NECTIN1: variants seen among roughly 807,000 people sequenced by gnomAD.
The protein encoded by NECTIN1 is nectin-1.
A neutral mutation model predicts 48.0 loss-of-function variants in NECTIN1; 23 were observed. The observed-to-expected ratio is 0.48, with a 90% confidence interval of 0.34 to 0.68. The LOEUF is 0.68. Among genes scored for constraint, NECTIN1 ranks in the 30% least tolerant of loss-of-function variants. The pLI is 0.01. For missense variants in NECTIN1, 591 were observed against 709.9 expected (o/e 0.83, Z 1.90); for synonymous variants, 270 against 288.9 (o/e 0.93, Z 0.66).
At chr11:119,706,198 C>G (rs948684605) in intron 1 of NECTIN1, among the ~76,000 whole-genome samples, 1 of 152,228 alleles carries the variant, frequency 6.6e-6, no homozygotes, top group Non-Finnish European at 1.5e-5. Context: ...GATCAAATAA[C>G]TTCTCACTCA....
chr11:119,692,247 C>T (rs558823275), intron 1 of NECTIN1, among the ~76,000 whole-genome samples: 1 of 152,036 alleles, frequency 6.6e-6, no homozygotes, highest in Non-Finnish European at 1.5e-5. Flanking sequence ...CGCACACTGC[C>T]TCACGGAGGA....
intron 5 of NECTIN1, among the ~76,000 whole-genome samples, chr11:119,671,567 A>G (rs1864861823): frequency 6.6e-6 from 1 of 152,158 alleles, no homozygotes; most frequent in South Asian, 2.1e-4. Flanking sequence ...GTTTGGGGTC[A>G]AAGAGAATGT....
intron 5 of NECTIN1, among the ~76,000 whole-genome samples, chr11:119,670,117 C>A (rs183759431): frequency 1.3e-5 from 2 of 152,078 alleles, no homozygotes; most frequent in Non-Finnish European, 2.9e-5. Flanking sequence ...TGCCACCACA[C>A]CCGGCTAATT....
At chr11:119,710,657 G>C (rs1033232135) in intron 1 of NECTIN1, among the ~76,000 whole-genome samples, 1 of 152,168 alleles carries the variant, frequency 6.6e-6, no homozygotes, top group African/African-American at 2.4e-5. Flanking sequence ...GGTGAAGTAG[G>C]GTCCTCCAGG....
intron 5 of NECTIN1, chr11:119,674,668 C>T (rs769566339): frequency 3.6e-5 from 58 of 1,614,124 alleles, no homozygotes; most frequent in Middle Eastern, 1.6e-4. Context: ...AGCTCAGTTG[C>T]AGGGCACACA....
intron 1 of NECTIN1, among the ~76,000 whole-genome samples, chr11:119,719,214 G>A (rs1259664577): frequency 6.6e-6 from 1 of 152,216 alleles, no homozygotes; most frequent in African/African-American, 2.4e-5. Flanking sequence ...ATCAGGCATG[G>A]ACAACTACAA....
chr11:119,713,779 C>T, intron 1 of NECTIN1: 1 of 452,502 alleles, frequency 2.2e-6, no homozygotes, highest in Non-Finnish European at 4.4e-6. Context: ...ACCCCCCGCC[C>T]TCTGGAGGGC....
At chr11:119,669,468 C>T (rs1864832108) in intron 5 of NECTIN1, among the ~76,000 whole-genome samples, 1 of 151,778 alleles carries the variant, frequency 6.6e-6, no homozygotes, top group South Asian at 2.1e-4. Context: ...TCCATCACTA[C>T]CACCCTGATC....
At chr11:119,648,196 GA>G in intron 5 of NECTIN1, among the ~76,000 whole-genome samples, 1 of 137,510 alleles carries the variant, frequency 7.3e-6, no homozygotes, top group South Asian at 2.5e-4. Flanking sequence ...GTGGTGGTGT[GA>G]TGGTACTGGT....
At chr11:119,674,690 C>T in intron 5 of NECTIN1, 1 of 1,614,218 alleles carries the variant, frequency 6.2e-7, no homozygotes, top group Non-Finnish European at 8.5e-7. Flanking sequence ...AGCACTATGG[C>T]TTTGGGCTAC....
intron 5 of NECTIN1, among the ~76,000 whole-genome samples, chr11:119,667,048 G>A (rs1483257718): frequency 1.3e-5 from 2 of 152,106 alleles, no homozygotes; most frequent in Non-Finnish European, 2.9e-5. Context: ...CACCATCCTC[G>A]GTGCAGGTCA....
At chr11:119,701,749 T>C (rs1231117791) in intron 1 of NECTIN1, among the ~76,000 whole-genome samples, 1 of 152,150 alleles carries the variant, frequency 6.6e-6, no homozygotes, top group Non-Finnish European at 1.5e-5. Context: ...TCCTTCCCGG[T>C]GCTTTATTTT....
chr11:119,649,624 A>T (rs1465433398), intron 5 of NECTIN1, among the ~76,000 whole-genome samples: 2 of 152,130 alleles, frequency 1.3e-5, no homozygotes, highest in African/African-American at 4.8e-5. Context: ...CTGGAGGCGG[A>T]GGTTGCAGTG....
chr11:119,675,545 G>A (rs892851077), intron 4 of NECTIN1: 5 of 509,282 alleles, frequency 9.8e-6, no homozygotes, highest in Admixed American at 3.2e-5. Context: ...GGTAGGTGCC[G>A]GTCCCCCTTA....
At chr11:119,693,135 C>G (rs1865288840) in intron 1 of NECTIN1, among the ~76,000 whole-genome samples, 1 of 152,198 alleles carries the variant, frequency 6.6e-6, no homozygotes, top group South Asian at 2.1e-4. Context: ...GAAAAGCCCC[C>G]ATTCTTCCCC....
At position 119,661,111 on chromosome 11, in the gene NECTIN1, C is replaced by T. The variant is rs981570094; in HGVS notation, c.*3636G>A. 1.9e-4 allele frequency: 183 copies of T among 985,514 alleles called. 1 individual carries two copies. Among genetic ancestry groups the T allele is most frequent in the Admixed American group, 1.8e-4 (3 of 16,266 alleles). The allele number at this position is 985,514 out of a possible 1,614,324, so 61.0% of individuals were successfully genotyped here. On this transcript the variant is annotated 3_prime_UTR_variant, in exon 6 of 6. Transcript: ENST00000264025. ...GATGCAAACACCCCCCAGGTCAGAACCAGGAGGATCTGCTGGGCTGTCCCT... is the reference window on the plus strand; with the variant it reads ...GATGCAAACACCCCCCAGGTCAGAATCAGGAGGATCTGCTGGGCTGTCCCT...
intron 4 of NECTIN1, 98 bp from the exon 5 acceptor site, chr11:119,675,408 G>T (rs1203388040): frequency 2.4e-6 from 3 of 1,265,680 alleles, no homozygotes; most frequent in African/African-American, 2.9e-5. Context: ...CTAGCCTTTT[G>T]CTGAGCTTGT....
rs922628608 is a variant in NECTIN1 at position 119,672,511 on chromosome 11, G to A, written c.1003+2648C>T. The stretch of plus-strand genomic sequence containing the variant: ...CAGATTCTGTCCGGTCCATCTCCTC[G>A]GTGCCCCCATCGCCACAGCCACAGC... On this transcript the variant is annotated intron_variant, in intron 5 of 5. Transcript: ENST00000264025. The surrounding 1 kb of genome is among the most constrained non-coding windows in gnomAD (Gnocchi z 4.3). Among the ~76,000 whole-genome samples the A allele has an allele frequency of 3.9e-5, 6 of 152,216 alleles. No individual in the cohort carries two copies. The East Asian group carries it at 7.7e-4, about 20-fold the overall frequency.
At chr11:119,703,515 T>C (rs1199924632) in intron 1 of NECTIN1, among the ~76,000 whole-genome samples, 3 of 152,116 alleles carry the variant, frequency 2.0e-5, no homozygotes, top group Admixed American at 2.0e-4. Flanking sequence ...ATCCCCTGTG[T>C]ACCCAGGATG....
Sources: allele counts gnomAD v4.1 joint callset (sites outside exome capture counted in the v4.1 genomes callset), GRCh38; gene constraint gnomAD v4.1.1; non-coding constraint Gnocchi (gnomAD v3.1); transcripts MANE v1.5; gene names NCBI Gene and HGNC (gene_info 2026-07-23, HGNC 2026-07-21).